The following MARCHF4 variants were observed in gnomAD, a reference collection of about 807,000 sequenced individuals.
MARCHF4 encodes membrane associated ring-CH-type finger 4.
MARCHF4 carries 14 observed loss-of-function variants against 43.9 expected under a neutral mutation model. The ratio of observed to expected loss-of-function variants is 0.32; its 90% confidence interval spans 0.21 to 0.50. The LOEUF (loss-of-function observed/expected upper bound fraction) is 0.50, where lower values mean the gene tolerates loss of function less well. Among genes scored for constraint, MARCHF4 ranks in the 20% least tolerant of loss-of-function variants. The pLI, the probability that MARCHF4 is intolerant of heterozygous loss-of-function variation, is 0.98. For missense variants in MARCHF4, 468 were observed against 536.7 expected (o/e 0.87, Z 1.27); for synonymous variants, 226 against 213.3 (o/e 1.06, Z -0.52).
chr2:216,311,260 TG>T (rs796590457), intron 1 of MARCHF4, among the ~76,000 whole-genome samples: 1 of 151,770 alleles, frequency 6.6e-6, no homozygotes, highest in Admixed American at 6.6e-5. Context: ...TTTTTTTGGG[TG>T]GGGGGGATCT....
chr2:216,359,666 G>T (rs1490258409), intron 1 of MARCHF4, among the ~76,000 whole-genome samples: 3 of 152,196 alleles, frequency 2.0e-5, no homozygotes, highest in Non-Finnish European at 4.4e-5. Flanking sequence ...AGTAGATAAG[G>T]CACTGAAATG....
rs539002421 is a variant in MARCHF4, at chr2:216,353,412, A to G, written c.516+16333T>C. Among the ~76,000 whole-genome samples the G allele has an allele frequency of 1.6e-4, 24 of 152,354 alleles. 1 individual carries two copies. The South Asian group carries it at 5.0e-3, about 32-fold the overall frequency. ...CTGAGGCAGGAAAGGGGGTGAAAAAAGGAAGAATTTATTTCTCCTGAAAGG... is the reference window on the plus strand; with the variant it reads ...CTGAGGCAGGAAAGGGGGTGAAAAAGGGAAGAATTTATTTCTCCTGAAAGG... On this transcript the variant is annotated intron_variant, in intron 1 of 3. Transcript: ENST00000273067.
chr2:216,346,061 C>A (rs752628765), intron 1 of MARCHF4, among the ~76,000 whole-genome samples: 2 of 152,128 alleles, frequency 1.3e-5, no homozygotes, highest in Admixed American at 1.3e-4. Flanking sequence ...TGTTGTCTCT[C>A]GGGCTTAACA....
chr2:216,286,510 C>T (rs1012363822), intron 1 of MARCHF4, among the ~76,000 whole-genome samples: 1 of 129,204 alleles, frequency 7.7e-6, no homozygotes, highest in African/African-American at 2.7e-5. Context: ...CGACAGAGTG[C>T]AACTCCATCT....
intron 1 of MARCHF4, chr2:216,317,937 G>A (rs1691808484): frequency 6.6e-6 from 1 of 152,252 alleles, no homozygotes; most frequent in African/African-American, 2.4e-5. Context: ...CACTGAGAAG[G>A]TAAAGGGAGT....
rs527440821 is a variant in MARCHF4 at position 216,363,398 on chromosome 2, C to A, written c.516+6347G>T. Among the ~76,000 whole-genome samples the A allele has an allele frequency of 2.0e-5, 3 of 152,360 alleles. No homozygotes were observed. In the South Asian group the frequency reaches 6.2e-4, roughly 32 times the overall value. On this transcript the variant is annotated intron_variant, in intron 1 of 3. Coordinates refer to ENST00000273067, the MANE Select transcript of MARCHF4 (RefSeq NM_020814.3). Reference sequence around the variant, plus strand: ...TCTGCCCGTGAAAGTGAGACAGATGCATTCAATGTTGTATCCGTGCTTATG... The same window carrying A: ...TCTGCCCGTGAAAGTGAGACAGATGAATTCAATGTTGTATCCGTGCTTATG...
intron 3 of MARCHF4, among the ~76,000 whole-genome samples, chr2:216,260,375 A>T (rs1178251160): frequency 6.6e-6 from 1 of 152,252 alleles, no homozygotes. Flanking sequence ...AGGTGCTGAC[A>T]ATTGCCTTAA....
rs552787234 is a variant in MARCHF4, at chr2:216,303,471, G to A, written c.517-19742C>T. 70 of 152,364 alleles carry A rather than the reference G, an allele frequency of 4.6e-4. 1 individual carries two copies. Among genetic ancestry groups the A allele is most frequent in the African/African-American group, 1.7e-3 (70 of 41,574 alleles). 9.4% of individuals were successfully genotyped at this position (152,364 alleles called of 1,614,324 possible). A position where few individuals can be genotyped will look rare whatever the true frequency, so the allele number is the denominator to read the frequency against. Reference sequence around the variant, plus strand: ...CTCACACTTTCTGGTTCTGTAATAGGTCAGGGCTGTTGGAGACAGAGCTGG... The same window carrying A: ...CTCACACTTTCTGGTTCTGTAATAGATCAGGGCTGTTGGAGACAGAGCTGG... On this transcript the variant is annotated intron_variant, in intron 1 of 3. Coordinates refer to ENST00000273067, the MANE Select transcript of MARCHF4 (RefSeq NM_020814.3).
chr2:216,277,907 C>G (rs746624417), intron 2 of MARCHF4, 43 bp from the exon 3 acceptor site: 2 of 1,544,796 alleles, frequency 1.3e-6, no homozygotes, highest in East Asian at 4.6e-5. Flanking sequence ...CTTGGATGCC[C>G]TTATCCCATT....
intron 1 of MARCHF4, among the ~76,000 whole-genome samples, chr2:216,291,190 T>C (rs1691302619): frequency 6.6e-6 from 1 of 151,916 alleles, no homozygotes; most frequent in South Asian, 2.1e-4. Flanking sequence ...GAAGGGAAGC[T>C]CAATGAGATG....
rs369233528 is a variant in MARCHF4 at position 216,287,078 on chromosome 2, C to G, written c.517-3349G>C. ...TTCCATCCTCTGGATCCTGCTGCCC[C>G]ACCTGCACCTGTGCCTGTAAGTCTC... On this transcript the variant is annotated intron_variant, in intron 1 of 3. Transcript: ENST00000273067. 2.0e-5 allele frequency among the ~76,000 whole-genome samples: 3 copies of G among 152,318 alleles called. No homozygotes were observed. In the South Asian group the frequency reaches 6.2e-4, roughly 32 times the overall value.
intron 1 of MARCHF4, among the ~76,000 whole-genome samples, chr2:216,346,367 A>T (rs922195612): frequency 1.3e-5 from 2 of 151,588 alleles, no homozygotes; most frequent in Non-Finnish European, 2.9e-5. Context: ...TTTTGTGCAT[A>T]TAGTTAATGC....
chr2:216,273,732 C>T lies in MARCHF4; in HGVS notation c.865+3940G>A, dbSNP rs534400743. Among the ~76,000 whole-genome samples, 3 of 152,306 alleles carry T rather than the reference C, an allele frequency of 2.0e-5. No homozygotes were observed. The East Asian group carries it at 5.8e-4, about 29-fold the overall frequency. On this transcript the variant is annotated intron_variant, in intron 3 of 3. Coordinates refer to ENST00000273067, the MANE Select transcript of MARCHF4 (RefSeq NM_020814.3). ...GCCTCAGATGTAAGATAGATGCCTCCCGTGGCTCCTGCCTTTGTTTCCGCC... is the reference window on the plus strand; with the variant it reads ...GCCTCAGATGTAAGATAGATGCCTCTCGTGGCTCCTGCCTTTGTTTCCGCC...
intron 1 of MARCHF4, among the ~76,000 whole-genome samples, chr2:216,304,491 GGTTTCCCTCAGGCCAAAA>G (rs1299677597): frequency 6.6e-6 from 1 of 152,122 alleles, no homozygotes; most frequent in African/African-American, 2.4e-5. Context: ...CAAATTGAAT[GGTTTCCCTCAGGCCAAAA>G]TTTCTCCTAA....
At chr2:216,290,241 A>G (rs529195703) in intron 1 of MARCHF4, among the ~76,000 whole-genome samples, 1 of 152,244 alleles carries the variant, frequency 6.6e-6, no homozygotes, top group Non-Finnish European at 1.5e-5. Flanking sequence ...GCTTCACTCA[A>G]TGGAGGTATT....
At chr2:216,283,213 G>C (rs1043520388) in intron 2 of MARCHF4, among the ~76,000 whole-genome samples, 1 of 151,190 alleles carries the variant, frequency 6.6e-6, no homozygotes, top group African/African-American at 2.4e-5. Flanking sequence ...CTTCTTCCCT[G>C]CCTCCTTCGT....
In MARCHF4 at chr2:216,259,557, C is replaced by T; in HGVS notation, c.988G>A (p.Gly330Ser). The T allele has an allele frequency of 1.9e-6, 3 of 1,614,172 alleles. No individual in the cohort carries two copies. In the East Asian group the frequency reaches 6.7e-5, roughly 36 times the overall value. The change falls in exon 4 of 4, where the codon GGC becomes AGC. Residue 330 changes from glycine (G) to serine (S), a missense_variant. Transcript: ENST00000273067. ...GAGGAGGTCCGGGGGTTGGTCCTGCCTCCTGCCTTTTGATCCTCCAGGTCT... is the reference window on the plus strand; with the variant it reads ...GAGGAGGTCCGGGGGTTGGTCCTGCTTCCTGCCTTTTGATCCTCCAGGTCT... ...TKDLEDQKAG[G>S]RTNPRTSSST...
rs569407240 is a variant in MARCHF4 at position 216,328,394 on chromosome 2, T to C, written c.516+41351A>G. On this transcript the variant is annotated intron_variant, in intron 1 of 3. Coordinates refer to ENST00000273067, the MANE Select transcript of MARCHF4 (RefSeq NM_020814.3). ...GTTGGCCAGAATGGTCTCGATCTCCTAACCTCGTGATTCGCCCAACAATCC... is the reference window on the plus strand; with the variant it reads ...GTTGGCCAGAATGGTCTCGATCTCCCAACCTCGTGATTCGCCCAACAATCC... 2.0e-5 allele frequency among the ~76,000 whole-genome samples: 3 copies of C among 152,346 alleles called. No individual in the cohort carries two copies. In the South Asian group the frequency reaches 6.2e-4, roughly 32 times the overall value.
In MARCHF4 at chr2:216,327,681, G is replaced by A. The variant is rs544969574; in HGVS notation, c.516+42064C>T. Among the ~76,000 whole-genome samples the A allele has an allele frequency of 5.3e-4, 81 of 152,298 alleles. No homozygotes were observed. The South Asian group carries it at 0.016, about 31-fold the overall frequency. ...TAATGTTGATATAATGCTTTAGCAA[G>A]AGCCATGAAATGAGATAAGAAAGGA... is the stretch of plus-strand genomic sequence containing the variant. On this transcript the variant is annotated intron_variant, in intron 1 of 3. Transcript: ENST00000273067.
Sources: allele counts gnomAD v4.1 joint callset (sites outside exome capture counted in the v4.1 genomes callset), GRCh38; gene constraint gnomAD v4.1.1; transcripts MANE v1.5; gene names NCBI Gene and HGNC (gene_info 2026-07-23, HGNC 2026-07-21).